AKAP19: variants seen among roughly 807,000 people sequenced by gnomAD.
The protein encoded by AKAP19 is A-kinase anchoring protein 19.
chr2:190,195,212 T>G, the AKAP19 span, among the ~76,000 whole-genome samples: 1 of 152,204 alleles, frequency 6.6e-6, no homozygotes, highest in African/African-American at 2.4e-5. Flanking sequence ...GTGCCACAGT[T>G]TACCCATTCA....
chr2:190,101,314 T>C, the AKAP19 span, among the ~76,000 whole-genome samples: 1 of 152,222 alleles, frequency 6.6e-6, no homozygotes, highest in East Asian at 1.9e-4. Context: ...GCTACAGTTA[T>C]GGCTTCTCCT....
At chr2:190,149,732 C>G in the AKAP19 span, among the ~76,000 whole-genome samples, 1 of 152,070 alleles carries the variant, frequency 6.6e-6, no homozygotes, top group Non-Finnish European at 1.5e-5. Flanking sequence ...GTTTTATGGC[C>G]TATCATATGG....
chr2:190,118,848 C>G, the AKAP19 span, among the ~76,000 whole-genome samples: 83,927 of 151,926 alleles, frequency 0.55, 24,007 homozygotes, highest in African/African-American at 0.67. Context: ...ATTCAACATA[C>G]TGTTGGAAGT....
chr2:190,093,347 C>A, the AKAP19 span, among the ~76,000 whole-genome samples: 1 of 151,996 alleles, frequency 6.6e-6, no homozygotes, highest in Non-Finnish European at 1.5e-5. Flanking sequence ...GCCGGAGAAT[C>A]TCTTGAACCT....
chr2:189,961,625 A>G, the AKAP19 span, among the ~76,000 whole-genome samples: 57 of 152,244 alleles, frequency 3.7e-4, no homozygotes, highest in African/African-American at 1.3e-3. Context: ...TTAAAGTATC[A>G]GACTCGGCTG....
At chr2:190,004,639 GGT>G in the AKAP19 span, among the ~76,000 whole-genome samples, 2 of 150,478 alleles carry the variant, frequency 1.3e-5, no homozygotes, top group African/African-American at 4.9e-5. Flanking sequence ...AATCTCACCT[GGT>G]TTATGTTCTC....
the AKAP19 span, among the ~76,000 whole-genome samples, chr2:190,171,245 C>A: frequency 1.2e-4 from 17 of 145,906 alleles, no homozygotes; most frequent in Middle Eastern, 3.5e-3. Context: ...AAAAAAAAAA[C>A]AAACAGTGCA....
At chr2:190,016,064 C>A in the AKAP19 span, among the ~76,000 whole-genome samples, 1 of 152,222 alleles carries the variant, frequency 6.6e-6, no homozygotes, top group East Asian at 1.9e-4. Context: ...TTTCTCACAT[C>A]TTTCTGTTTT....
chr2:190,091,246 C>T, the AKAP19 span, among the ~76,000 whole-genome samples: 1 of 152,150 alleles, frequency 6.6e-6, no homozygotes, highest in Admixed American at 6.6e-5. Context: ...ACGTCAGTGG[C>T]ACATGTCTAC....
chr2:190,132,177 T>C, the AKAP19 span, among the ~76,000 whole-genome samples: 1 of 152,158 alleles, frequency 6.6e-6, no homozygotes, highest in South Asian at 2.1e-4. Flanking sequence ...ATATCTTGTG[T>C]TCATGGATTA....
the AKAP19 span, among the ~76,000 whole-genome samples, chr2:189,944,668 A>G: frequency 6.6e-6 from 1 of 152,228 alleles, no homozygotes; most frequent in East Asian, 1.9e-4. Context: ...TTAACACCCC[A>G]CTATCATTAA....
chr2:190,015,825 G>A, the AKAP19 span, among the ~76,000 whole-genome samples: 15 of 151,978 alleles, frequency 9.9e-5, no homozygotes, highest in African/African-American at 3.6e-4. Context: ...AGTTTATTCC[G>A]CCAGATACCC....
At chr2:190,121,594 G>A in the AKAP19 span, among the ~76,000 whole-genome samples, 2 of 151,830 alleles carry the variant, frequency 1.3e-5, no homozygotes, top group East Asian at 3.8e-4. Flanking sequence ...TCTATCTCTG[G>A]GTTTTCCCTT....
chr2:190,191,090 T>C, the AKAP19 span, among the ~76,000 whole-genome samples: 12 of 152,316 alleles, frequency 7.9e-5, no homozygotes, highest in African/African-American at 2.6e-4. Flanking sequence ...ACATCTTTGT[T>C]GTCAACTTTT....
chr2:190,134,694 CA>C, the AKAP19 span, among the ~76,000 whole-genome samples: 11 of 85,858 alleles, frequency 1.3e-4, no homozygotes, highest in South Asian at 2.9e-3. Context: ...TAAGTCTCTG[CA>C]GGGAAGTTAA....
chr2:189,983,829 A>G, the AKAP19 span, among the ~76,000 whole-genome samples: 3 of 152,196 alleles, frequency 2.0e-5, no homozygotes, highest in Non-Finnish European at 4.4e-5. Flanking sequence ...AAGCGTTGGC[A>G]GGCTTGTGAA....
chr2:190,105,389 T>A, the AKAP19 span, among the ~76,000 whole-genome samples: 1 of 152,312 alleles, frequency 6.6e-6, no homozygotes, highest in Admixed American at 6.5e-5. Context: ...AAGTACCTAA[T>A]TTGTGGTCTC....
At chr2:189,946,239 G>A in the AKAP19 span, among the ~76,000 whole-genome samples, 2 of 152,148 alleles carry the variant, frequency 1.3e-5, no homozygotes, top group African/African-American at 2.4e-5. Flanking sequence ...GCGTAAAATA[G>A]CATAAATACA....
the AKAP19 span, among the ~76,000 whole-genome samples, chr2:190,004,978 G>T: frequency 1.3e-5 from 2 of 152,118 alleles, no homozygotes; most frequent in Non-Finnish European, 2.9e-5. Context: ...TTAAGCCACG[G>T]ACCCTCACAG....
Sources: gnomAD v4.1 joint callset for allele counts (sites outside exome capture counted in the v4.1 genomes callset) on GRCh38, gnomAD v4.1.1 for gene constraint, MANE v1.5 for transcripts, NCBI Gene and HGNC (gene_info 2026-07-23, HGNC 2026-07-21) for gene names.